LANCL2: variants seen among roughly 807,000 people sequenced by gnomAD.
The protein encoded by LANCL2 is lanC-like protein 2.
A neutral mutation model predicts 56.9 loss-of-function variants in LANCL2; 33 were observed. That is an observed-to-expected ratio of 0.58 (90% CI 0.44 to 0.78). The LOEUF (loss-of-function observed/expected upper bound fraction) is 0.78. Ranked by LOEUF, LANCL2 falls within the 30% of genes least tolerant of loss-of-function variation. The pLI is 0.00. For missense variants in LANCL2, 562 were observed against 580.2 expected (o/e 0.97, Z 0.32); for synonymous variants, 233 against 228.2 (o/e 1.02, Z -0.19).
In LANCL2 at chr7:55,401,173, G is replaced by A; in HGVS notation, c.679-1G>A. The stretch of plus-strand genomic sequence containing the variant: ...TTTATGCTGTCTTGTTATCTCTGTA[G>A]GTAGTCAATGCTATTATTGAATCGG... On this transcript the variant is annotated splice_acceptor_variant, in intron 4 of 8. Coordinates refer to ENST00000254770, the MANE Select transcript of LANCL2 (RefSeq NM_018697.4). LOFTEE classifies it high-confidence loss of function. The A allele has an allele frequency of 6.2e-7, 1 of 1,613,634 alleles. No individual in the cohort carries two copies. The highest frequency in any genetic ancestry group is 8.5e-7 in the Non-Finnish European group (1 of 1,179,634).
intron 1 of LANCL2, among the ~76,000 whole-genome samples, chr7:55,376,350 G>A (rs984252229): frequency 9.2e-5 from 14 of 152,140 alleles, no homozygotes; most frequent in African/African-American, 3.4e-4. Context: ...TCCTTTCATG[G>A]GGCTCAGGAT....
At chr7:55,389,516 T>C (rs7787560) in intron 1 of LANCL2, among the ~76,000 whole-genome samples, 53,603 of 152,096 alleles carry the variant, frequency 0.35, 9,934 homozygotes, top group African/African-American at 0.43. Context: ...AAATGTCCCA[T>C]AAAATAGCTC....
chr7:55,394,564 AAAGAAG>A (rs1010569065), intron 2 of LANCL2, among the ~76,000 whole-genome samples: 2 of 152,200 alleles, frequency 1.3e-5, no homozygotes, highest in Admixed American at 1.3e-4. Flanking sequence ...TGTCTCAACA[AAAGAAG>A]AAGAAGAATG....
At chr7:55,403,728 C>A (rs1017473038) in intron 5 of LANCL2, among the ~76,000 whole-genome samples, 3 of 151,744 alleles carry the variant, frequency 2.0e-5, no homozygotes, top group African/African-American at 7.3e-5. Flanking sequence ...CGCACTACCA[C>A]CTCCAGCTAA....
intron 6 of LANCL2, among the ~76,000 whole-genome samples, chr7:55,418,552 A>G (rs1057359902): frequency 2.0e-5 from 3 of 152,062 alleles, no homozygotes; most frequent in African/African-American, 4.8e-5. Flanking sequence ...CTTTTTATAC[A>G]TTACTTAGGA....
chr7:55,366,274 G>A (rs764133170), intron 1 of LANCL2, 45 bp downstream of exon 1: 3 of 1,409,138 alleles, frequency 2.1e-6, no homozygotes, highest in East Asian at 5.6e-5. Context: ...GGGGAGCGCG[G>A]CGGTGGTAGC....
chr7:55,401,105 T>TA, intron 4 of LANCL2, 69 bp from the exon 5 acceptor site: 1 of 1,333,566 alleles, frequency 7.5e-7, no homozygotes, highest in Non-Finnish European at 1.1e-6. Context: ...ATATATGACA[T>TA]ACTGTTAATT....
At chr7:55,424,815 C>A (rs1331054810) in intron 6 of LANCL2, among the ~76,000 whole-genome samples, 1 of 152,226 alleles carries the variant, frequency 6.6e-6, no homozygotes, top group African/African-American at 2.4e-5. Flanking sequence ...ACTTGCATTA[C>A]TGTCTGAGCT....
chr7:55,370,293 A>G (rs902878888), intron 1 of LANCL2, among the ~76,000 whole-genome samples: 1 of 152,234 alleles, frequency 6.6e-6, no homozygotes, highest in African/African-American at 2.4e-5. Context: ...CCCAAGATGG[A>G]AGCTGCAGTC....
intron 5 of LANCL2, among the ~76,000 whole-genome samples, chr7:55,409,732 G>T (rs1032417127): frequency 4.6e-5 from 7 of 152,198 alleles, no homozygotes; most frequent in Non-Finnish European, 8.8e-5. Context: ...AGTCATAGTA[G>T]ATTTGACCAT....
chr7:55,368,947 CTA>C (rs755235449), intron 1 of LANCL2, among the ~76,000 whole-genome samples: 14 of 152,132 alleles, frequency 9.2e-5, no homozygotes, highest in Non-Finnish European at 1.9e-4. Flanking sequence ...GAGTTCAAGA[CTA>C]GCCTGGGCAA....
At chr7:55,398,933 A>C (rs541595904) in intron 3 of LANCL2, among the ~76,000 whole-genome samples, 1 of 152,274 alleles carries the variant, frequency 6.6e-6, no homozygotes, top group South Asian at 2.1e-4. Flanking sequence ...TAATAACTAA[A>C]CTGATGTTAG....
chr7:55,430,692 G>C (rs1790717910), intron 8 of LANCL2, among the ~76,000 whole-genome samples: 1 of 152,222 alleles, frequency 6.6e-6, no homozygotes, highest in Non-Finnish European at 1.5e-5. Context: ...GTGGGGACAG[G>C]AGACCTGGAG....
chr7:55,397,429 C>A (rs1790266570), intron 2 of LANCL2, among the ~76,000 whole-genome samples: 1 of 145,490 alleles, frequency 6.9e-6, no homozygotes, highest in Non-Finnish European at 1.5e-5. Context: ...CTGCTGCACT[C>A]CAGCCTGGGC....
intron 7 of LANCL2, among the ~76,000 whole-genome samples, chr7:55,426,891 T>C (rs1790670017): frequency 6.6e-6 from 1 of 152,118 alleles, no homozygotes; most frequent in Admixed American, 6.5e-5. Flanking sequence ...TAGATGACTA[T>C]GCAAATATGG....
At chr7:55,397,294 C>T (rs1790264803) in intron 2 of LANCL2, 1 of 151,984 alleles carries the variant, frequency 6.6e-6, no homozygotes, top group African/African-American at 2.4e-5. Context: ...AAACCCGTCT[C>T]TACTGAAAAT....
At chr7:55,398,651 C>T in intron 3 of LANCL2, 21 bp downstream of exon 3, 1 of 1,564,008 alleles carries the variant, frequency 6.4e-7, no homozygotes, top group South Asian at 1.1e-5. Flanking sequence ...GAACTGGAAA[C>T]ATTTTCTCCC....
intron 2 of LANCL2, among the ~76,000 whole-genome samples, chr7:55,394,792 G>A (rs1165054618): frequency 2.4e-5 from 3 of 126,596 alleles, no homozygotes; most frequent in Middle Eastern, 4.8e-3. Flanking sequence ...GTGGGCCACA[G>A]CCTCAGTGGG....
At chr7:55,402,137 A>ACCTC (rs1790337833) in intron 5 of LANCL2, among the ~76,000 whole-genome samples, 4 of 59,106 alleles carry the variant, frequency 6.8e-5, no homozygotes, top group Non-Finnish European at 7.1e-5. Context: ...GGCGCCCCTC[A>ACCTC]CCTCCCGGAC....
Sources: allele counts gnomAD v4.1 joint callset (sites outside exome capture counted in the v4.1 genomes callset), GRCh38; gene constraint gnomAD v4.1.1; transcripts MANE v1.5; gene names NCBI Gene and HGNC (gene_info 2026-07-23, HGNC 2026-07-21).